CDH8: variants seen among roughly 807,000 people sequenced by gnomAD.
CDH8 encodes the protein cadherin-8.
A neutral mutation model predicts 68.1 loss-of-function variants in CDH8; 17 were observed. The ratio of observed to expected loss-of-function variants is 0.25; its 90% confidence interval spans 0.17 to 0.37. CDH8 has a LOEUF of 0.37. CDH8 is among the 10% of genes least tolerant of loss of function. The pLI is 1.00. For missense variants in CDH8, 763 were observed against 999.3 expected (o/e 0.76, Z 3.19); for synonymous variants, 372 against 365.1 (o/e 1.02, Z -0.21).
chr16:62,032,639 T>C (rs962984999), intron 1 of CDH8, among the ~76,000 whole-genome samples: 1 of 152,204 alleles, frequency 6.6e-6, no homozygotes, highest in African/African-American at 2.4e-5. Context: ...GGACCTTAAA[T>C]TGCACCTCTA....
At chr16:61,703,625 G>C (rs1325174986) in intron 10 of CDH8, among the ~76,000 whole-genome samples, 1 of 152,156 alleles carries the variant, frequency 6.6e-6, no homozygotes, top group East Asian at 1.9e-4. Flanking sequence ...TGGATCACGA[G>C]GTCAGGAGAT....
At chr16:61,878,342 GGTT>G (rs1465267232) in intron 3 of CDH8, among the ~76,000 whole-genome samples, 6 of 152,106 alleles carry the variant, frequency 3.9e-5, no homozygotes, top group Admixed American at 6.5e-5. Flanking sequence ...CCTTAAAAGT[GGTT>G]GTTATCTTGA....
intron 2 of CDH8, among the ~76,000 whole-genome samples, chr16:61,938,913 G>A (rs1385339341): frequency 6.6e-6 from 1 of 152,152 alleles, no homozygotes; most frequent in Non-Finnish European, 1.5e-5. Flanking sequence ...AAAATGTTCA[G>A]CACTGTGCCA....
chr16:62,021,797 C>T (rs1269463512), intron 1 of CDH8, among the ~76,000 whole-genome samples, 195 bp from the exon 2 acceptor site: 1 of 152,136 alleles, frequency 6.6e-6, no homozygotes, highest in East Asian at 1.9e-4. Context: ...TAGATTTTAG[C>T]TTTCATTGGT....
chr16:61,958,314 T>C (rs1474695469), intron 2 of CDH8, among the ~76,000 whole-genome samples: 1 of 152,200 alleles, frequency 6.6e-6, no homozygotes, highest in Admixed American at 6.5e-5. Context: ...GAAGTCATGA[T>C]TGTTCTTTGA....
At chr16:61,807,340 G>T in intron 7 of CDH8, among the ~76,000 whole-genome samples, 1 of 105,940 alleles carries the variant, frequency 9.4e-6, no homozygotes, top group Admixed American at 1.2e-4. Context: ...GGGGAGGGGG[G>T]AGGGATAGCA....
At chr16:61,801,106 GA>G (rs914921865) in intron 7 of CDH8, among the ~76,000 whole-genome samples, 47 of 146,182 alleles carry the variant, frequency 3.2e-4, no homozygotes, top group African/African-American at 5.0e-4. Flanking sequence ...TCACCAATCA[GA>G]AAAAAAAAAG....
intron 3 of CDH8, among the ~76,000 whole-genome samples, chr16:61,891,876 T>C (rs1223894814): frequency 1.3e-5 from 2 of 152,130 alleles, no homozygotes; most frequent in Non-Finnish European, 2.9e-5. Context: ...CCACTTTGCA[T>C]CTCTCCTTTA....
chr16:61,980,874 T>C (rs1257186102), intron 2 of CDH8, among the ~76,000 whole-genome samples: 3 of 152,098 alleles, frequency 2.0e-5, no homozygotes, highest in Non-Finnish European at 4.4e-5. Flanking sequence ...AAATATAAAA[T>C]GTCTAAGAAG....
intron 2 of CDH8, among the ~76,000 whole-genome samples, chr16:61,974,044 T>C (rs1474063180): frequency 1.3e-5 from 2 of 152,038 alleles, no homozygotes; most frequent in South Asian, 4.1e-4. Flanking sequence ...ATTAGTCCCA[T>C]TCTGAAATAA....
chr16:61,715,307 G>A (rs1469564663), intron 9 of CDH8, among the ~76,000 whole-genome samples: 4 of 151,542 alleles, frequency 2.6e-5, no homozygotes, highest in African/African-American at 9.7e-5. Flanking sequence ...TAGTCATCAA[G>A]AGAAAGGACT....
intron 1 of CDH8, among the ~76,000 whole-genome samples, chr16:62,023,381 G>C (rs1902120581): frequency 6.6e-6 from 1 of 152,134 alleles, no homozygotes; most frequent in South Asian, 2.1e-4. Flanking sequence ...TGCTGTCTCT[G>C]TAATGATGGA....
intron 2 of CDH8, among the ~76,000 whole-genome samples, chr16:61,903,399 T>C (rs1237435168): frequency 6.6e-6 from 1 of 152,172 alleles, no homozygotes; most frequent in Non-Finnish European, 1.5e-5. Flanking sequence ...TCTCAGCTCA[T>C]TGCAAGCTCC....
At chr16:61,969,264 G>A (rs972784112) in intron 2 of CDH8, among the ~76,000 whole-genome samples, 1 of 152,168 alleles carries the variant, frequency 6.6e-6, no homozygotes, top group Non-Finnish European at 1.5e-5. Context: ...TCAGAACTTC[G>A]GGAACATAAC....
chr16:62,001,173 T>A (rs1965888296), intron 2 of CDH8, among the ~76,000 whole-genome samples: 2 of 152,190 alleles, frequency 1.3e-5, no homozygotes, highest in African/African-American at 4.8e-5. Context: ...CAAAGCCGAC[T>A]GGAAGAACAG....
intron 7 of CDH8, among the ~76,000 whole-genome samples, chr16:61,802,038 AG>A (rs1366880435): frequency 6.9e-6 from 1 of 144,608 alleles, no homozygotes; most frequent in Non-Finnish European, 1.5e-5. Context: ...AAGAGACAGC[AG>A]AAACCTCTGC....
At chr16:61,656,908 A>G (rs939796961) in intron 10 of CDH8, among the ~76,000 whole-genome samples, 2 of 152,136 alleles carry the variant, frequency 1.3e-5, no homozygotes, top group African/African-American at 4.8e-5. Context: ...AATAATTGCT[A>G]ACCTGCTTTC....
At chr16:61,790,774 A>T (rs1251043089) in intron 7 of CDH8, among the ~76,000 whole-genome samples, 3 of 152,046 alleles carry the variant, frequency 2.0e-5, no homozygotes, top group Non-Finnish European at 1.5e-5. Flanking sequence ...GTATGTATGT[A>T]TATGAATATG....
At chr16:61,891,969 A>T (rs1963786566) in intron 3 of CDH8, among the ~76,000 whole-genome samples, 1 of 152,218 alleles carries the variant, frequency 6.6e-6, no homozygotes, top group Non-Finnish European at 1.5e-5. Flanking sequence ...TATAAAAAAG[A>T]AATGTGTTAG....
Sources: allele counts gnomAD v4.1 joint callset (sites outside exome capture counted in the v4.1 genomes callset), GRCh38; gene constraint gnomAD v4.1.1; transcripts MANE v1.5; gene names NCBI Gene and HGNC (gene_info 2026-07-23, HGNC 2026-07-21).